The following PCDH11X variants were observed in gnomAD, a reference collection of about 807,000 sequenced individuals.
PCDH11X encodes the protein protocadherin 11 X-linked.
A neutral mutation model predicts 53.3 loss-of-function variants in PCDH11X; 18 were observed. The observed-to-expected ratio is 0.34, with a 90% confidence interval of 0.23 to 0.50. The LOEUF is 0.50. Among genes scored for constraint, PCDH11X ranks in the 20% least tolerant of loss-of-function variants. The probability of loss-of-function intolerance (pLI) is 0.98; values close to 1 mark genes in which losing one functional copy is unlikely to be tolerated. For missense variants in PCDH11X, 570 were observed against 1,032.4 expected (o/e 0.55, Z 6.14); for synonymous variants, 279 against 393.3 (o/e 0.71, Z 3.44).
At chrX:92,114,646 T>C (rs1169013680) in intron 6 of PCDH11X, among the ~76,000 whole-genome samples, 5 of 111,681 alleles carry the variant, frequency 4.5e-5, no homozygotes, top group African/African-American at 1.6e-4. Context: ...TAGTTTCTGC[T>C]GCTTCTTCCT....
At chrX:92,039,672 C>T (rs1236354435) in intron 6 of PCDH11X, among the ~76,000 whole-genome samples, 2 of 111,957 alleles carry the variant, frequency 1.8e-5, no homozygotes, top group East Asian at 5.7e-4. Context: ...TAGGCCTGGA[C>T]TTAGGGACCC....
chrX:91,976,213 C>A (rs35390415), intron 6 of PCDH11X, among the ~76,000 whole-genome samples: 1 of 111,147 alleles, frequency 9.0e-6, no homozygotes, highest in Non-Finnish European at 1.9e-5. Context: ...CCACCACACC[C>A]GGCTCATATT....
At chrX:92,091,099 A>G (rs2148118757) in intron 6 of PCDH11X, among the ~76,000 whole-genome samples, 1 of 111,623 alleles carries the variant, frequency 9.0e-6, no homozygotes, top group South Asian at 3.7e-4. Context: ...TCAGCACTTG[A>G]ATAAATTGAG....
chrX:91,893,964 G>A (rs1455211872), intron 6 of PCDH11X, among the ~76,000 whole-genome samples: 1 of 110,895 alleles, frequency 9.0e-6, no homozygotes, highest in African/African-American at 3.3e-5. Context: ...TTTTACTTTC[G>A]TTCTTACTAC....
At chrX:92,057,554 G>C (rs2063466992) in intron 6 of PCDH11X, among the ~76,000 whole-genome samples, 2 of 104,975 alleles carry the variant, frequency 1.9e-5, no homozygotes, top group Admixed American at 1.0e-4. Context: ...TATTGAACTG[G>C]AACTAAAACT....
intron 8 of PCDH11X, among the ~76,000 whole-genome samples, chrX:92,273,164 G>A (rs949180219): frequency 2.7e-5 from 3 of 111,426 alleles, no homozygotes; most frequent in East Asian, 2.8e-4. Flanking sequence ...GGGTGCAGGC[G>A]GGCTGAGTCC....
intron 8 of PCDH11X, among the ~76,000 whole-genome samples, chrX:92,378,045 T>G (rs1490375446): frequency 1.8e-5 from 2 of 108,345 alleles, no homozygotes; most frequent in Admixed American, 2.0e-4. Flanking sequence ...TCATGATTTC[T>G]CTGATCAATA....
intron 8 of PCDH11X, among the ~76,000 whole-genome samples, chrX:92,342,514 C>T (rs921823634): frequency 9.9e-5 from 11 of 111,408 alleles, no homozygotes; most frequent in African/African-American, 1.6e-4. Flanking sequence ...TGGAATACTA[C>T]GAATCTGTGA....
At chrX:91,934,824 A>T (rs961352975) in intron 6 of PCDH11X, among the ~76,000 whole-genome samples, 1 of 108,016 alleles carries the variant, frequency 9.3e-6, no homozygotes, top group African/African-American at 3.4e-5. Context: ...ACCTTTTGTT[A>T]TTCTTCATTG....
chrX:92,474,709 A>G (rs1408353906), intron 10 of PCDH11X, among the ~76,000 whole-genome samples: 2 of 97,952 alleles, frequency 2.0e-5, no homozygotes, highest in East Asian at 3.3e-4. Flanking sequence ...GTATAAACAA[A>G]CAAACATAAA....
chrX:92,262,475 T>C (rs1441047456), intron 7 of PCDH11X, among the ~76,000 whole-genome samples: 1 of 111,031 alleles, frequency 9.0e-6, no homozygotes, highest in Non-Finnish European at 1.9e-5. Flanking sequence ...TTAACCTGTC[T>C]CCTGAAAGTG....
intron 8 of PCDH11X, among the ~76,000 whole-genome samples, chrX:92,319,093 A>G (rs1392568257): frequency 8.9e-6 from 1 of 112,169 alleles, no homozygotes; most frequent in Admixed American, 9.5e-5. Flanking sequence ...ACAACTGTAA[A>G]GTAAACCAAA....
intron 6 of PCDH11X, among the ~76,000 whole-genome samples, chrX:91,964,240 A>G (rs1388419802): frequency 9.3e-6 from 1 of 107,117 alleles, no homozygotes; most frequent in East Asian, 2.8e-4. Flanking sequence ...ATCCAAAGCA[A>G]TCTATGGATT....
At chrX:92,231,941 C>T (rs1222634471) in intron 7 of PCDH11X, among the ~76,000 whole-genome samples, 1 of 111,669 alleles carries the variant, frequency 9.0e-6, no homozygotes, top group Non-Finnish European at 1.9e-5. Flanking sequence ...AGGCTCACTT[C>T]ATTCCAATGT....
intron 6 of PCDH11X, among the ~76,000 whole-genome samples, chrX:92,045,799 G>A (rs951694117): frequency 2.7e-5 from 3 of 109,162 alleles, no homozygotes; most frequent in African/African-American, 1.0e-4. Context: ...AATCAGCCAG[G>A]CGTAGTGGTG....
intron 1 of PCDH11X, among the ~76,000 whole-genome samples, chrX:91,787,541 C>A (rs1468442794): frequency 9.1e-6 from 1 of 110,361 alleles, no homozygotes; most frequent in Non-Finnish European, 1.9e-5. Context: ...CCTCCCTGGA[C>A]TTCAATTTCC....
intron 6 of PCDH11X, among the ~76,000 whole-genome samples, chrX:91,933,666 C>CTTTG (rs2061413179): frequency 9.0e-6 from 1 of 111,306 alleles, no homozygotes; most frequent in Non-Finnish European, 1.9e-5. Flanking sequence ...TCGCTAGTTT[C>CTTTG]TTTGTTTGTT....
At chrX:91,805,528 G>A (rs1447955167) in intron 1 of PCDH11X, among the ~76,000 whole-genome samples, 1 of 111,503 alleles carries the variant, frequency 9.0e-6, no homozygotes, top group Non-Finnish European at 1.9e-5. Context: ...TAAAATGAGT[G>A]ATTAGGCTAG....
chrX:91,922,579 C>T lies in PCDH11X; in HGVS notation c.3033+43306C>T, dbSNP rs35369776. Among the ~76,000 whole-genome samples, 13 of 112,008 alleles carry T rather than the reference C, an allele frequency of 1.2e-4. No individual in the cohort carries two copies. The East Asian group carries it at 3.1e-3, about 27-fold the overall frequency. On this transcript the variant is annotated intron_variant, in intron 6 of 10. Transcript: ENST00000682573. ...ATGGCTTTCATTACTGCCTGAGCTC[C>T]GCCTGCTGTCAGATCAGTGATGGTA...
Sources: allele counts gnomAD v4.1 joint callset (sites outside exome capture counted in the v4.1 genomes callset), GRCh38; gene constraint gnomAD v4.1.1; transcripts MANE v1.5; gene names NCBI Gene and HGNC (gene_info 2026-07-23, HGNC 2026-07-21).